Variants in TMPRSS2 observed in about 807,000 individuals in gnomAD.
TMPRSS2 encodes the protein transmembrane serine protease 2.
A neutral mutation model predicts 67.4 loss-of-function variants in TMPRSS2; 59 were observed. That is an observed-to-expected ratio of 0.88 (90% CI 0.71 to 1.09). TMPRSS2 has a LOEUF of 1.09. TMPRSS2 is among the 50% of genes least tolerant of loss of function. The probability of loss-of-function intolerance (pLI) is 0.00; values close to 1 mark genes in which losing one functional copy is unlikely to be tolerated. For missense variants in TMPRSS2, 668 were observed against 642.7 expected, an observed-to-expected ratio of 1.04 and a Z score of -0.43; for synonymous variants, 257 against 257.0, an observed-to-expected ratio of 1.00 and a Z score of 0.00.
At chr21:41,507,757 C>A (rs1279599504) in intron 1 of TMPRSS2, among the ~76,000 whole-genome samples, 2 of 152,106 alleles carry the variant, frequency 1.3e-5, no homozygotes, top group African/African-American at 4.8e-5. Flanking sequence ...TTTGGGGACC[C>A]CGGGGGACTC....
rs2146451584 is a variant in TMPRSS2, at chr21:41,480,464, C to T, written c.572+12G>A. 1 of 1,613,120 alleles carries T rather than the reference C, an allele frequency of 6.2e-7. No homozygotes were observed. The highest frequency in any genetic ancestry group is 8.5e-7 in the Non-Finnish European group (1 of 1,179,868). On this transcript the variant is annotated intron_variant, in intron 6 of 13. Coordinates refer to ENST00000332149, the MANE Select transcript of TMPRSS2 (RefSeq NM_005656.4). ...TGTTACTGTCACTCGGCGGGTGCTG[C>T]CCCATACTCACTTATAGCCCATGTC...
At chr21:41,498,077 G>A (rs1346320670) in intron 2 of TMPRSS2, 42 bp downstream of exon 2, 1 of 1,440,008 alleles carries the variant, frequency 6.9e-7, no homozygotes, top group African/African-American at 1.4e-5. Flanking sequence ...AAGGGACAAG[G>A]GAACAAAGAA....
chr21:41,473,855 G>A (rs963672540), intron 8 of TMPRSS2, among the ~76,000 whole-genome samples: 20 of 148,782 alleles, frequency 1.3e-4, no homozygotes, highest in Non-Finnish European at 1.5e-4. Context: ...GATGGGAGGG[G>A]CAGGGCTGGA....
intron 1 of TMPRSS2, among the ~76,000 whole-genome samples, chr21:41,498,595 C>T (rs3761373): frequency 0.1 from 15,220 of 152,228 alleles, 943 homozygotes; most frequent in East Asian, 0.29. Flanking sequence ...GCCCAGGCAT[C>T]CTGCTGGACT....
chr21:41,501,867 T>G (rs532655542), intron 1 of TMPRSS2, among the ~76,000 whole-genome samples: 2 of 152,374 alleles, frequency 1.3e-5, no homozygotes, highest in East Asian at 3.9e-4. Flanking sequence ...CAATGCTGTT[T>G]AGCGAATGCT....
At chr21:41,497,102 A>G (rs1399314384) in intron 2 of TMPRSS2, among the ~76,000 whole-genome samples, 1 of 151,974 alleles carries the variant, frequency 6.6e-6, no homozygotes. Flanking sequence ...CGGCCTCCCA[A>G]AGGGCTGGAT....
intron 2 of TMPRSS2, 135 bp downstream of exon 2, chr21:41,497,984 C>G (rs542500773): frequency 1.5e-6 from 1 of 659,026 alleles, no homozygotes; most frequent in East Asian, 2.8e-5. Flanking sequence ...CTAGAGGGTG[C>G]CTTGAACAGC....
chr21:41,485,081 CGTGTGTGTGTGTGTGTGT>C (rs10668560), intron 5 of TMPRSS2, among the ~76,000 whole-genome samples: 1 of 140,254 alleles, frequency 7.1e-6, no homozygotes, highest in Non-Finnish European at 1.5e-5. Context: ...GGGAGTGATG[CGTGTGTGTGTGTGTGTGT>C]GTGTGTGTGT....
intron 6 of TMPRSS2, 95 bp downstream of exon 6, chr21:41,480,381 C>T (rs2091247520): frequency 1.3e-6 from 2 of 1,550,512 alleles, no homozygotes; most frequent in Non-Finnish European, 1.7e-6. Flanking sequence ...CCCCAGCACT[C>T]ATGTGCCGGT....
At chr21:41,491,131 C>G (rs1002349958) in intron 3 of TMPRSS2, among the ~76,000 whole-genome samples, 2 of 146,198 alleles carry the variant, frequency 1.4e-5, no homozygotes, top group Non-Finnish European at 3.0e-5. Context: ...AGTTGGGGGT[C>G]GGGCATGAAT....
intron 10 of TMPRSS2, among the ~76,000 whole-genome samples, chr21:41,471,180 T>A (rs142834250): frequency 6.6e-6 from 1 of 152,214 alleles, no homozygotes; most frequent in African/African-American, 2.4e-5. Flanking sequence ...TAGGGAGGGC[T>A]GAGGTTTTGC....
At chr21:41,469,996 G>A (rs2091117407) in intron 11 of TMPRSS2, among the ~76,000 whole-genome samples, 1 of 152,184 alleles carries the variant, frequency 6.6e-6, no homozygotes, top group Non-Finnish European at 1.5e-5. Flanking sequence ...ACGCTCCCCA[G>A]AAATCACCCA....
chr21:41,504,563 C>T (rs1016129675), intron 1 of TMPRSS2, among the ~76,000 whole-genome samples: 7 of 152,208 alleles, frequency 4.6e-5, no homozygotes, highest in Non-Finnish European at 1.0e-4. Flanking sequence ...TCAGGCTCTG[C>T]CTCCTCCTGG....
rs1163982228 is a variant in TMPRSS2, at chr21:41,484,455, T to A, written c.446-3853A>T. Among the ~76,000 whole-genome samples the A allele has an allele frequency of 2.0e-5, 3 of 152,194 alleles. No individual in the cohort carries two copies. The East Asian group carries it at 5.8e-4, about 29-fold the overall frequency. ...AGAAAGCGCTACACACATTTTTGAATGTTTTCCATGGGACGGGTCATATTC... is the reference window on the plus strand; with the variant it reads ...AGAAAGCGCTACACACATTTTTGAAAGTTTTCCATGGGACGGGTCATATTC... On this transcript the variant is annotated intron_variant, in intron 5 of 13. Transcript: ENST00000332149.
At chr21:41,468,184 G>T in intron 12 of TMPRSS2, 1 of 641,254 alleles carries the variant, frequency 1.6e-6, no homozygotes, top group Non-Finnish European at 2.6e-6. Context: ...ACCAAATACC[G>T]GTTTTTCAGA....
intron 1 of TMPRSS2, among the ~76,000 whole-genome samples, chr21:41,504,230 G>A (rs921959831): frequency 6.6e-6 from 1 of 152,188 alleles, no homozygotes; most frequent in Non-Finnish European, 1.5e-5. Context: ...AAGCCAAGGT[G>A]CCCTTCAAAC....
At position 41,508,085 on chromosome 21, in the gene TMPRSS2, C is replaced by G; in HGVS notation, c.-61G>C. 1 of 1,262,362 alleles carries G rather than the reference C, an allele frequency of 7.9e-7. No individual in the cohort carries two copies. Among genetic ancestry groups the G allele is most frequent in the Non-Finnish European group, 1.0e-6 (1 of 993,286 alleles). The allele number at this position is 1,262,362 out of a possible 1,614,324, so 78.2% of individuals were successfully genotyped here. A position where few individuals can be genotyped will look rare whatever the true frequency, so the allele number is the denominator to read the frequency against. ...CCTGGTACCGGCGCCGCTCACCTGC[C>G]GCGCTCCAGGCGGCGCTCCCCGCCC... On this transcript the variant is annotated 5_prime_UTR_variant, in exon 1 of 14. Coordinates refer to ENST00000332149, the MANE Select transcript of TMPRSS2 (RefSeq NM_005656.4).
rs763645871 is a variant in TMPRSS2 at position 41,489,573 on chromosome 21, T to C, written c.259A>G (p.Ile87Val). 1.1e-5 allele frequency: 17 copies of C among 1,614,042 alleles called. No homozygotes were observed. The change falls in exon 4 of 14, where the codon ATC (isoleucine) becomes GTC (valine). Residue 87 changes from isoleucine (I) to valine (V), a missense_variant. Physicochemically the swap from Ile to Val is conservative, Grantham distance 29. Transcript: ENST00000332149. ...CTSKTKKALC[I>V]TLTLGTFLVG... ...AGGAAGGTCCCCAGGGTCAAGGTGA[T>C]GCACAGTGCTTTCTTAGTCTCTGGA... is the stretch of plus-strand genomic sequence containing the variant.
intron 3 of TMPRSS2, among the ~76,000 whole-genome samples, chr21:41,492,712 G>A (rs2091347158): frequency 6.6e-6 from 1 of 152,192 alleles, no homozygotes; most frequent in South Asian, 2.1e-4. Context: ...ATAAGGGACT[G>A]ATATATCCCT....
Sources: allele counts gnomAD v4.1 joint callset (sites outside exome capture counted in the v4.1 genomes callset), GRCh38; gene constraint gnomAD v4.1.1; transcripts MANE v1.5; gene names NCBI Gene and HGNC (gene_info 2026-07-23, HGNC 2026-07-21).